The following RP1L1 variants were observed in gnomAD, a reference collection of about 807,000 sequenced individuals.
RP1L1 encodes RP1 like 1, also known as retinitis pigmentosa 1-like 1 protein.
RP1L1 carries 27 observed loss-of-function variants against 15.7 expected under a neutral mutation model. The ratio of observed to expected loss-of-function variants is 1.72; its 90% CI spans 1.27 to 2.38. The LOEUF (loss-of-function observed/expected upper bound fraction) is 2.38. RP1L1 is among the 30% of genes most tolerant of loss of function. The pLI, the probability that RP1L1 is intolerant of heterozygous loss-of-function variation, is 0.00. For missense variants in RP1L1, 4,798 were observed against 3,075.9 expected (o/e 1.56, Z -13.24); for synonymous variants, 1,813 against 1,276.7 (o/e 1.42, Z -8.96).
Position 10,622,592 on chromosome 8 carries a change from C to T in RP1L1, c.609+1G>A. On this transcript the variant is annotated splice_donor_variant, in intron 2 of 3. Coordinates refer to ENST00000382483, the MANE Select transcript of RP1L1 (RefSeq NM_178857.6). LOFTEE classifies it high-confidence loss of function. Reference sequence around the variant, plus strand: ...GGAACCGTCAGACCCCAACAGCCTACCTTTTTCCCGCTGGTCGTGTACAAC... The same window carrying T: ...GGAACCGTCAGACCCCAACAGCCTATCTTTTTCCCGCTGGTCGTGTACAAC... 1 of 1,614,184 alleles carries T rather than the reference C, an allele frequency of 6.2e-7. No homozygotes were observed. The highest frequency in any genetic ancestry group is 8.5e-7 in the Non-Finnish European group (1 of 1,180,044).
At chr8:10,614,210 G>C (rs1797927763) in intron 3 of RP1L1, among the ~76,000 whole-genome samples, 1 of 152,124 alleles carries the variant, frequency 6.6e-6, no homozygotes, top group South Asian at 2.1e-4. Flanking sequence ...GTGATTATTA[G>C]TGGTGATTTA....
rs267607018 is a variant in RP1L1, at chr8:10,611,220, A to G, written c.2878T>C (p.Trp960Arg). The G allele has an allele frequency of 3.1e-6, 5 of 1,612,956 alleles. No homozygotes were observed. Among genetic ancestry groups the G allele is most frequent in the Non-Finnish European group, 4.2e-6 (5 of 1,180,000 alleles). ...GGCTCTTCTGGAATGTTGTCCAGCC[A>G]TTCGCGGACCACAGCCTCTGGAGAC... The part of the protein sequence containing the change: ...RSSPEAVVRE[W>R]LDNIPEEPIL... The change falls in exon 4 of 4, where the codon TGG (tryptophan) becomes CGG (arginine). Residue 960 changes from tryptophan to arginine, a missense_variant. Trp to Arg is a moderately radical substitution (Grantham distance 101). Transcript: ENST00000382483.
Position 10,611,965 on chromosome 8 carries a change from G to A in RP1L1, c.2133C>T (p.Thr711=). 1 of 1,613,892 alleles carries A rather than the reference G, an allele frequency of 6.2e-7. No homozygotes were observed. The highest frequency in any genetic ancestry group is 8.5e-7 in the Non-Finnish European group (1 of 1,180,038). Residue 711 remains threonine (T), a synonymous_variant, in exon 4 of 4, where the codon ACC becomes ACT. Coordinates refer to ENST00000382483, the MANE Select transcript of RP1L1 (RefSeq NM_178857.6). ...TCAGGTTCCCAGAGGCCTGTGTCCTGGTGCTCGATGAGCTTCCAGAATATC... is the reference window on the plus strand; with the variant it reads ...TCAGGTTCCCAGAGGCCTGTGTCCTAGTGCTCGATGAGCTTCCAGAATATC... ...VPRYSGSSSS[T]RTQASGNLRP...
rs376255409 is a variant in RP1L1, at chr8:10,611,369, C to G, written c.2729G>C (p.Arg910Thr). Residue 910 changes from arginine (R) to threonine (T), a missense_variant, in exon 4 of 4, where the codon AGA becomes ACA. Physicochemically the swap from Arg to Thr is moderately conservative, Grantham distance 71. Transcript: ENST00000382483. ...SPGPNSGASRRSSASQGAGSR... is the reference protein window; with the variant it reads ...SPGPNSGASRTSSASQGAGSR... ...CCCCGCACCCTGGCTGGCACTGCTT[C>G]TCCTTGATGCCCCTGAATTGGGGCC... 1.3e-5 allele frequency: 21 copies of G among 1,610,028 alleles called. No individual in the cohort carries two copies. The highest frequency in any genetic ancestry group is 1.6e-5 in the Non-Finnish European group (19 of 1,179,280).
chr8:10,612,776 C>T lies in RP1L1; in HGVS notation c.1322G>A (p.Gly441Glu), dbSNP rs1563125679. The T allele has an allele frequency of 1.2e-6, 2 of 1,609,890 alleles. No homozygotes were observed. Among genetic ancestry groups the T allele is most frequent in the East Asian group, 2.2e-5 (1 of 44,886 alleles). Residue 441 changes from glycine (G) to glutamate (E), a missense_variant, in exon 4 of 4, where the codon GGG becomes GAG. Physicochemically the swap from Gly to Glu is moderately conservative, Grantham distance 98 (BLOSUM62 -2). Transcript: ENST00000382483. ...GCTGCATCTCTCCCTCCCGGCAGTC[C>T]CGTGGCCCCACAGGCCACTGCAGCG... ...HVRCSGLWGH[G>E]TAGRERCSQD...
At chr8:10,621,397 C>T (rs146366328) in intron 2 of RP1L1, 78 of 261,930 alleles carry the variant, frequency 3.0e-4, no homozygotes, top group African/African-American at 1.7e-3. Flanking sequence ...ATGATCTTGG[C>T]TCACTGCAGC....
At chr8:10,620,830 T>A (rs1017170135) in intron 2 of RP1L1, among the ~76,000 whole-genome samples, 2 of 152,184 alleles carry the variant, frequency 1.3e-5, no homozygotes, top group African/African-American at 4.8e-5. Flanking sequence ...GGCTGTCATG[T>A]CCAGGGATAA....
chr8:10,652,510 G>T (rs183070519), intron 1 of RP1L1, among the ~76,000 whole-genome samples: 1 of 152,022 alleles, frequency 6.6e-6, no homozygotes, highest in Non-Finnish European at 1.5e-5. Flanking sequence ...AACCAGCCCC[G>T]CAGTATCTTA....
chr8:10,612,576 C>T lies in RP1L1; in HGVS notation c.1522G>A (p.Asp508Asn). 2 of 1,606,234 alleles carry T rather than the reference C, an allele frequency of 1.2e-6. No homozygotes were observed. The highest frequency in any genetic ancestry group is 1.7e-6 in the Non-Finnish European group (2 of 1,179,592). Residue 508 changes from aspartate (D) to asparagine (N), a missense_variant, in exon 4 of 4, where the codon GAT becomes AAT. Physicochemically the swap from Asp to Asn is conservative, Grantham distance 23. Transcript: ENST00000382483. ...TCTGGGCCGCCCAGCCCTGCTCCAT[C>T]TATGCATAGGCCGGGGTCCTCACCC... ...SLGEDPGLCI[D>N]GAGLGGPEQG... is the part of the protein sequence containing the mutation.
intron 1 of RP1L1, among the ~76,000 whole-genome samples, chr8:10,643,648 G>C (rs903551348): frequency 1.3e-5 from 2 of 152,098 alleles, no homozygotes; most frequent in African/African-American, 4.8e-5. Context: ...TCTGGGAAAA[G>C]CTGGAATGTG....
At chr8:10,639,787 G>A (rs775369547) in intron 1 of RP1L1, among the ~76,000 whole-genome samples, 1 of 151,900 alleles carries the variant, frequency 6.6e-6, no homozygotes, top group Non-Finnish European at 1.5e-5. Flanking sequence ...TTTATTTCAA[G>A]GAATCCCCAC....
At chr8:10,646,271 C>T (rs547334064) in intron 1 of RP1L1, among the ~76,000 whole-genome samples, 60 of 152,278 alleles carry the variant, frequency 3.9e-4, no homozygotes, top group African/African-American at 8.2e-4. Context: ...TGGTGGAGGA[C>T]GTGGAGGCTC....
Position 10,613,008 on chromosome 8 carries a change from G to T in RP1L1, c.1090C>A (p.Pro364Thr). Residue 364 changes from proline to threonine, a missense_variant, in exon 4 of 4, where the codon CCC becomes ACC. Pro to Thr is a conservative substitution (Grantham distance 38). Transcript: ENST00000382483. ...GEDPVLGEVDPLCCVWEGYPW... is the reference protein window; with the variant it reads ...GEDPVLGEVDTLCCVWEGYPW... The stretch of plus-strand genomic sequence containing the variant: ...TAGCCCTCCCACACACAGCAGAGGG[G>T]GTCTACCTCCCCCAGAACGGGGTCT... The T allele has an allele frequency of 6.2e-7, 1 of 1,613,432 alleles. No individual in the cohort carries two copies. Among genetic ancestry groups the T allele is most frequent in the Non-Finnish European group, 8.5e-7 (1 of 1,179,976 alleles).
rs182187105 is a variant in RP1L1, at chr8:10,631,783, A to C, written c.-19-8563T>G. Among the ~76,000 whole-genome samples the C allele has an allele frequency of 1.7e-3, 259 of 152,308 alleles. 2 individuals are homozygous for C. The highest frequency in any genetic ancestry group is 5.8e-3 in the African/African-American group (243 of 41,574). On this transcript the variant is annotated intron_variant, in intron 1 of 3. Coordinates refer to ENST00000382483, the MANE Select transcript of RP1L1 (RefSeq NM_178857.6). The stretch of plus-strand genomic sequence containing the variant: ...GCCGAAGGGAAGCAGCCCACCCCTG[A>C]ACAGACGAAGACCAAGGGCGATGGG...
In RP1L1 at chr8:10,610,321, T is replaced by C; in HGVS notation, c.3777A>G (p.Pro1259=). ...DLENQQQCCF[P]TFLNARACAC... is the part of the protein sequence containing the mutation. The stretch of plus-strand genomic sequence containing the variant: ...CGCAGGCTCGGGCGTTCAAGAAGGT[T>C]GGGAAACAACACTGCTGTTGGTTTT... The change falls in exon 4 of 4, where the codon CCA becomes CCG. Residue 1259 remains proline, a synonymous_variant. Transcript: ENST00000382483. The C allele has an allele frequency of 5.0e-6, 8 of 1,614,196 alleles. No individual in the cohort carries two copies. Among genetic ancestry groups the C allele is most frequent in the Non-Finnish European group, 6.8e-6 (8 of 1,180,040 alleles).
In RP1L1 at chr8:10,610,682, A is replaced by G; in HGVS notation, c.3416T>C (p.Val1139Ala). Residue 1139 changes from valine (V) to alanine (A), a missense_variant, in exon 4 of 4, where the codon GTG becomes GCG. Val to Ala is a moderately conservative substitution (Grantham distance 64, BLOSUM62 0). Coordinates refer to ENST00000382483, the MANE Select transcript of RP1L1 (RefSeq NM_178857.6). ...EEDLGSPASK[V>A]RFKDSPRYQE... Reference sequence around the variant, plus strand: ...GTACCGAGGGGAGTCTTTGAACCTCACTTTGCTGGCAGGAGACCCAAGGTC... The same window carrying G: ...GTACCGAGGGGAGTCTTTGAACCTCGCTTTGCTGGCAGGAGACCCAAGGTC... 6.2e-7 allele frequency: 1 copy of G among 1,612,286 alleles called. No individual in the cohort carries two copies.
chr8:10,626,309 G>T (rs765850637), intron 1 of RP1L1, among the ~76,000 whole-genome samples: 1 of 152,182 alleles, frequency 6.6e-6, no homozygotes, highest in African/African-American at 2.4e-5. Context: ...GCCCCAGAGG[G>T]CTGAGCAGGG....
intron 1 of RP1L1, among the ~76,000 whole-genome samples, chr8:10,627,299 A>G (rs1043172668): frequency 6.6e-6 from 1 of 152,248 alleles, no homozygotes; most frequent in Non-Finnish European, 1.5e-5. Flanking sequence ...GACTTACTCA[A>G]CCTTAAAAAG....
rs1228333580 is a variant in RP1L1 at position 10,607,592 on chromosome 8, G to A, written c.6506C>T (p.Ala2169Val). 24 of 1,564,616 alleles carry A rather than the reference G, an allele frequency of 1.5e-5. No homozygotes were observed. Among genetic ancestry groups the A allele is most frequent in the Non-Finnish European group, 1.9e-5 (22 of 1,146,328 alleles). The change falls in exon 4 of 4, where the codon GCT (alanine) becomes GTT (valine). Residue 2169 changes from alanine to valine, a missense_variant. Coordinates refer to ENST00000382483, the MANE Select transcript of RP1L1 (RefSeq NM_178857.6). ...TAACTCTGGTTGGGCCTCCTCTTCA[G>A]CCTCCTGGGCCTCTATACCTTCTGA... Reference protein sequence around the residue: ...PESEGIEAQEAEEEAQPELEG... With the variant: ...PESEGIEAQEVEEEAQPELEG...
Sources: gnomAD v4.1 joint callset for allele counts (sites outside exome capture counted in the v4.1 genomes callset) on GRCh38, gnomAD v4.1.1 for gene constraint, MANE v1.5 for transcripts, NCBI Gene and HGNC (gene_info 2026-07-23, HGNC 2026-07-21) for gene names.